Variants in MDGA2 observed in about 807,000 individuals in gnomAD.
The protein encoded by MDGA2 is MAM domain containing glycosylphosphatidylinositol anchor 2.
A neutral mutation model predicts 117.8 loss-of-function variants in MDGA2; 40 were observed. The ratio of observed to expected loss-of-function variants is 0.34; its 90% confidence interval spans 0.26 to 0.44. The LOEUF (loss-of-function observed/expected upper bound fraction) is 0.44, where lower values mean the gene tolerates loss of function less well. Ranked by LOEUF, MDGA2 falls within the 20% of genes least tolerant of loss-of-function variation. The probability of loss-of-function intolerance (pLI) is 1.00; values close to 1 mark genes in which losing one functional copy is unlikely to be tolerated. For synonymous variants in MDGA2, 452 were observed against 439.0 expected (o/e 1.03, Z -0.37); for missense variants, 1,123 against 1,250.6 (o/e 0.90, Z 1.54).
rs373881629 is a variant in MDGA2, at chr14:46,900,143, A to T, written c.2239-17922T>A. Among the ~76,000 whole-genome samples, 9 of 152,280 alleles carry T rather than the reference A, an allele frequency of 5.9e-5. 1 individual carries two copies. Among genetic ancestry groups the T allele is most frequent in the African/African-American group, 1.9e-4 (8 of 41,582 alleles). On this transcript the variant is annotated intron_variant, in intron 10 of 16. Transcript: ENST00000399232. Reference sequence around the variant, plus strand: ...TATCATCGGGCATTAGAGAAATACAAATTAAAACTAAATAGATATGACTAC... The same window carrying T: ...TATCATCGGGCATTAGAGAAATACATATTAAAACTAAATAGATATGACTAC...
At chr14:47,593,142 G>A (rs1000414135) in intron 1 of MDGA2, among the ~76,000 whole-genome samples, 2 of 152,104 alleles carry the variant, frequency 1.3e-5, no homozygotes, top group African/African-American at 2.4e-5. Context: ...GTTCAACGTC[G>A]CTAATTATTT....
At chr14:46,854,533 G>A (rs917223531) in intron 15 of MDGA2, among the ~76,000 whole-genome samples, 9 of 151,240 alleles carry the variant, frequency 6.0e-5, no homozygotes, top group African/African-American at 1.9e-4. Flanking sequence ...TTTCTATATA[G>A]AAACAAAGAA....
intron 14 of MDGA2, among the ~76,000 whole-genome samples, chr14:46,864,140 T>C (rs144760069): frequency 7.5e-6 from 1 of 133,986 alleles, no homozygotes; most frequent in Admixed American, 8.9e-5. Flanking sequence ...AGTGCTTCCC[T>C]AGGGTGAGAG....
intron 7 of MDGA2, among the ~76,000 whole-genome samples, chr14:47,036,847 T>G (rs1433169292): frequency 1.3e-5 from 2 of 152,230 alleles, no homozygotes; most frequent in African/African-American, 4.8e-5. Flanking sequence ...TATTCAAATA[T>G]CTTCAATTCA....
intron 1 of MDGA2, among the ~76,000 whole-genome samples, chr14:47,366,603 G>A (rs1332513721): frequency 2.0e-5 from 3 of 151,886 alleles, no homozygotes; most frequent in Admixed American, 6.6e-5. Flanking sequence ...CAATAAAAGG[G>A]ACAGTATAAC....
intron 1 of MDGA2, among the ~76,000 whole-genome samples, chr14:47,390,570 G>C (rs1891871556): frequency 2.0e-5 from 3 of 152,162 alleles, no homozygotes; most frequent in Admixed American, 2.0e-4. Flanking sequence ...TCTCTTACTT[G>C]AGAACTAGTT....
At chr14:47,571,978 T>C (rs1480533358) in intron 1 of MDGA2, among the ~76,000 whole-genome samples, 6 of 152,244 alleles carry the variant, frequency 3.9e-5, no homozygotes, top group East Asian at 1.9e-4. Context: ...ATACATACTT[T>C]GCTCATTTGT....
At chr14:47,628,994 C>T (rs1450000590) in intron 1 of MDGA2, among the ~76,000 whole-genome samples, 1 of 152,186 alleles carries the variant, frequency 6.6e-6, no homozygotes, top group Non-Finnish European at 1.5e-5. Context: ...GCACTGTAGC[C>T]TCACTCAACT....
intron 6 of MDGA2, among the ~76,000 whole-genome samples, chr14:47,066,420 A>G (rs959425990): frequency 6.6e-6 from 1 of 152,200 alleles, no homozygotes; most frequent in Non-Finnish European, 1.5e-5. Context: ...TAGAATAGGA[A>G]AAAGAACAGA....
At chr14:46,868,001 A>C (rs1327372368) in intron 14 of MDGA2, among the ~76,000 whole-genome samples, 1 of 151,938 alleles carries the variant, frequency 6.6e-6, no homozygotes, top group Non-Finnish European at 1.5e-5. Flanking sequence ...CATACTTTCA[A>C]TTCCCTTGTT....
At chr14:46,921,779 A>T (rs1477190729) in intron 9 of MDGA2, among the ~76,000 whole-genome samples, 1 of 152,212 alleles carries the variant, frequency 6.6e-6, no homozygotes, top group Non-Finnish European at 1.5e-5. Flanking sequence ...GCTGAGTTAG[A>T]CAGCTAGAGG....
At chr14:47,268,480 T>C (rs1412101712) in intron 2 of MDGA2, among the ~76,000 whole-genome samples, 2 of 152,190 alleles carry the variant, frequency 1.3e-5, no homozygotes, top group Non-Finnish European at 2.9e-5. Flanking sequence ...TTCTACTGAC[T>C]ATTTAAAAAA....
Position 47,606,608 on chromosome 14 carries a change from A to C in MDGA2, c.280+67909T>G, listed in dbSNP as rs116310724. Among the ~76,000 whole-genome samples, 681 of 152,204 alleles carry C rather than the reference A, an allele frequency of 4.5e-3. 5 individuals are homozygous for C. Among genetic ancestry groups the C allele is most frequent in the African/African-American group, 0.016 (645 of 41,538 alleles). ...AACTTACATCTGAGGCTAAATACTAAAGGTACTGTTTGCCTTGTGTCAGCA... is the reference window on the plus strand; with the variant it reads ...AACTTACATCTGAGGCTAAATACTACAGGTACTGTTTGCCTTGTGTCAGCA... On this transcript the variant is annotated intron_variant, in intron 1 of 16. Coordinates refer to ENST00000399232, the MANE Select transcript of MDGA2 (RefSeq NM_001113498.3).
At chr14:46,994,334 T>C (rs1206474589) in intron 8 of MDGA2, among the ~76,000 whole-genome samples, 1 of 152,184 alleles carries the variant, frequency 6.6e-6, no homozygotes, top group African/African-American at 2.4e-5. Flanking sequence ...TTGCTTTCAA[T>C]GAATTCTGAG....
At chr14:47,214,336 A>C (rs1359188758) in intron 3 of MDGA2, among the ~76,000 whole-genome samples, 2 of 152,182 alleles carry the variant, frequency 1.3e-5, no homozygotes, top group Admixed American at 6.6e-5. Flanking sequence ...GTGTGGTTAT[A>C]AAATCTACCA....
At chr14:46,896,883 C>T (rs937993701) in intron 10 of MDGA2, among the ~76,000 whole-genome samples, 6 of 152,132 alleles carry the variant, frequency 3.9e-5, no homozygotes, top group Non-Finnish European at 1.5e-5. Flanking sequence ...GAGCATCCCT[C>T]CAAATTAGGT....
intron 1 of MDGA2, among the ~76,000 whole-genome samples, chr14:47,450,001 A>G (rs1225017892): frequency 1.3e-5 from 2 of 152,150 alleles, no homozygotes; most frequent in Non-Finnish European, 1.5e-5. Flanking sequence ...ACTACTTTTT[A>G]AAAACTGTCA....
intron 8 of MDGA2, among the ~76,000 whole-genome samples, chr14:47,030,682 T>C (rs577325730): frequency 2.2e-4 from 33 of 152,218 alleles, no homozygotes; most frequent in Admixed American, 5.9e-4. Context: ...TTCAAAAAAA[T>C]TGTATTATCA....
At chr14:46,906,737 C>T (rs1239192908) in intron 10 of MDGA2, among the ~76,000 whole-genome samples, 3 of 151,938 alleles carry the variant, frequency 2.0e-5, no homozygotes, top group Admixed American at 1.3e-4. Flanking sequence ...CTGTAATATT[C>T]CCACAGTCTA....
Sources: allele counts gnomAD v4.1 joint callset (sites outside exome capture counted in the v4.1 genomes callset), GRCh38; gene constraint gnomAD v4.1.1; transcripts MANE v1.5; gene names NCBI Gene and HGNC (gene_info 2026-07-23, HGNC 2026-07-21).